FER1L6: variants seen among roughly 807,000 people sequenced by gnomAD.
FER1L6 encodes the protein fer-1-like protein 6.
FER1L6 carries 177 observed loss-of-function variants against 219.2 expected under a neutral mutation model. The ratio of observed to expected loss-of-function variants is 0.81; its 90% confidence interval spans 0.71 to 0.91. The LOEUF is 0.91. Among genes scored for constraint, FER1L6 ranks in the 40% least tolerant of loss-of-function variants. FER1L6 has a pLI of 0.00. For missense variants in FER1L6, 2,153 were observed against 2,259.9 expected, an observed-to-expected ratio of 0.95 and a Z score of 0.96; for synonymous variants, 768 against 824.3, an observed-to-expected ratio of 0.93 and a Z score of 1.17.
At chr8:124,085,595 A>G (rs901270747) in intron 33 of FER1L6, among the ~76,000 whole-genome samples, 1 of 149,762 alleles carries the variant, frequency 6.7e-6, no homozygotes, top group Non-Finnish European at 1.5e-5. Flanking sequence ...TACTTAATAT[A>G]ATTTCAATTT....
intron 9 of FER1L6, 33 bp from the exon 10 acceptor site, chr8:123,977,384 C>A (rs545473833): frequency 1.5e-5 from 24 of 1,594,360 alleles, no homozygotes; most frequent in Non-Finnish European, 2.0e-5. Context: ...TCAGTCCCTT[C>A]CATGACTCAT....
At chr8:124,088,819 G>A (rs1014857574) in intron 33 of FER1L6, among the ~76,000 whole-genome samples, 1 of 152,002 alleles carries the variant, frequency 6.6e-6, no homozygotes, top group African/African-American at 2.4e-5. Context: ...TGGAATGGAG[G>A]CCTCAAGACT....
At position 123,975,182 on chromosome 8, in the gene FER1L6, A is replaced by G; in HGVS notation, c.559A>G (p.Thr187Ala). 3 of 1,610,132 alleles carry G rather than the reference A, an allele frequency of 1.9e-6. No individual in the cohort carries two copies. The highest frequency in any genetic ancestry group is 2.5e-6 in the Non-Finnish European group (3 of 1,178,620). ...HQFCNKWALL[T>A]DPGDIRTGTK... ...GTTCTGCAACAAGTGGGCCCTGCTC[A>G]CAGACCCTGGTGACATCAGGACTGG... The change falls in exon 8 of 41, where the codon ACA (threonine) becomes GCA (alanine). Residue 187 changes from threonine (T) to alanine (A), a missense_variant. By Grantham distance (58) the Thr-to-Ala change is moderately conservative (BLOSUM62 0). Coordinates refer to ENST00000522917, the MANE Select transcript of FER1L6 (RefSeq NM_001039112.2).
rs187676610 is a variant in FER1L6, at chr8:123,912,793, A to G, written c.-7-43199A>G. Reference sequence around the variant, plus strand: ...TAAAAATAAAAGAAAATCAAATGCTATGGGAATCCAAAGGCATAGACATTT... The same window carrying G: ...TAAAAATAAAAGAAAATCAAATGCTGTGGGAATCCAAAGGCATAGACATTT... On this transcript the variant is annotated intron_variant, in intron 1 of 40. Transcript: ENST00000522917. Among the ~76,000 whole-genome samples, 27 of 152,344 alleles carry G rather than the reference A, an allele frequency of 1.8e-4. 2 individuals are homozygous for G. Among genetic ancestry groups the G allele is most frequent in the Admixed American group, 1.7e-3 (26 of 15,296 alleles).
chr8:124,038,270 T>C (rs1819305794), intron 19 of FER1L6, among the ~76,000 whole-genome samples: 2 of 152,242 alleles, frequency 1.3e-5, no homozygotes, highest in East Asian at 3.8e-4. Flanking sequence ...CAGCACCACC[T>C]CCGCTATGGT....
chr8:123,881,467 G>A (rs1051252441), intron 1 of FER1L6, among the ~76,000 whole-genome samples: 9 of 152,166 alleles, frequency 5.9e-5, no homozygotes, highest in African/African-American at 1.4e-4. Context: ...TATTTAGTCC[G>A]AGTGAAGAGT....
chr8:124,008,532 C>T (rs1045537969), intron 13 of FER1L6, among the ~76,000 whole-genome samples: 3 of 152,142 alleles, frequency 2.0e-5, no homozygotes, highest in African/African-American at 7.2e-5. Context: ...TATAAAAATT[C>T]TAGAAGATAA....
chr8:123,894,837 T>G (rs1367995156), intron 1 of FER1L6, among the ~76,000 whole-genome samples: 1 of 152,186 alleles, frequency 6.6e-6, no homozygotes, highest in Non-Finnish European at 1.5e-5. Context: ...GGGCACAATT[T>G]GGGCATCAAA....
chr8:123,858,883 G>T (rs1816693695), intron 1 of FER1L6, among the ~76,000 whole-genome samples: 1 of 152,210 alleles, frequency 6.6e-6, no homozygotes. Context: ...TATTGCCCCT[G>T]TAGGGACCAC....
chr8:123,855,553 T>C (rs965898690), intron 1 of FER1L6, among the ~76,000 whole-genome samples: 1 of 152,070 alleles, frequency 6.6e-6, no homozygotes, highest in African/African-American at 2.4e-5. Context: ...TGTGGGTTTA[T>C]GTCCTGACTC....
At chr8:123,864,562 A>G (rs930383716) in intron 1 of FER1L6, among the ~76,000 whole-genome samples, 5 of 149,692 alleles carry the variant, frequency 3.3e-5, no homozygotes, top group Non-Finnish European at 5.9e-5. Context: ...CCTGGATAAT[A>G]TCCTGCAGAG....
chr8:123,974,629 C>CCAG (rs1815969523), intron 7 of FER1L6, among the ~76,000 whole-genome samples: 1 of 117,382 alleles, frequency 8.5e-6, no homozygotes, highest in Non-Finnish European at 1.8e-5. Context: ...CCATTGCTCT[C>CCAG]CAGCCAGGCA....
chr8:123,970,109 A>G lies in FER1L6; in HGVS notation c.447+12A>G. On this transcript the variant is annotated intron_variant, in intron 6 of 40. Transcript: ENST00000522917. ...TCATCAAAATCTCCGTAAGTATAGC[A>G]TTGGTGGTAATAGTTGTGGAGAGGT... 6.2e-7 allele frequency: 1 copy of G among 1,612,188 alleles called. No homozygotes were observed. Among genetic ancestry groups the G allele is most frequent in the Non-Finnish European group, 8.5e-7 (1 of 1,178,298 alleles).
chr8:124,084,771 T>C (rs1224266854), intron 33 of FER1L6, among the ~76,000 whole-genome samples: 2 of 152,198 alleles, frequency 1.3e-5, no homozygotes, highest in African/African-American at 2.4e-5. Flanking sequence ...GCTTTCAGGG[T>C]AATACTGGCC....
chr8:123,955,932 C>G, intron 1 of FER1L6, 60 bp from the exon 2 acceptor site: 2 of 1,484,294 alleles, frequency 1.3e-6, no homozygotes, highest in South Asian at 2.4e-5. Flanking sequence ...TGTTTACCTT[C>G]TCCTAACACG....
chr8:123,923,286 A>G (rs1032196537), intron 1 of FER1L6, among the ~76,000 whole-genome samples: 3 of 152,256 alleles, frequency 2.0e-5, no homozygotes, highest in African/African-American at 7.2e-5. Flanking sequence ...ACAGAGGCAC[A>G]GAGAGGCGAA....
At chr8:123,942,084 T>C (rs532637988) in intron 1 of FER1L6, among the ~76,000 whole-genome samples, 2 of 152,250 alleles carry the variant, frequency 1.3e-5, no homozygotes, top group South Asian at 4.2e-4. Flanking sequence ...TTCCTTTGCA[T>C]GTCTTTTTAT....
intron 2 of FER1L6, among the ~76,000 whole-genome samples, chr8:123,958,911 C>A (rs11990077): frequency 4.0e-5 from 6 of 151,454 alleles, no homozygotes; most frequent in African/African-American, 1.5e-4. Flanking sequence ...TGAGATTCGA[C>A]GGAACTGAAA....
At chr8:124,010,113 T>C (rs947003653) in intron 13 of FER1L6, among the ~76,000 whole-genome samples, 10 of 148,518 alleles carry the variant, frequency 6.7e-5, no homozygotes, top group African/African-American at 2.5e-4. Flanking sequence ...GGAGGAGAGG[T>C]CTTGTTCTGG....
Sources: gnomAD v4.1 joint callset for allele counts (sites outside exome capture counted in the v4.1 genomes callset) on GRCh38, gnomAD v4.1.1 for gene constraint, MANE v1.5 for transcripts, NCBI Gene and HGNC (gene_info 2026-07-23, HGNC 2026-07-21) for gene names.